The following VCL variants were observed in gnomAD, a reference collection of about 807,000 sequenced individuals.
VCL encodes the protein epididymis luminal protein 114.
In VCL, 47 loss-of-function variants were observed where a neutral mutation model predicts 125.7. That is an observed-to-expected ratio of 0.37 (90% CI 0.30 to 0.48). VCL has a LOEUF of 0.48. VCL is among the 20% of genes least tolerant of loss of function. The pLI, the probability that VCL is intolerant of heterozygous loss-of-function variation, is 0.99. For missense variants in VCL, 1,069 were observed against 1,455.5 expected (o/e 0.73, Z 4.32); for synonymous variants, 458 against 514.6 (o/e 0.89, Z 1.49).
intron 2 of VCL, among the ~76,000 whole-genome samples, chr10:74,050,451 T>A (rs909765671): frequency 6.6e-6 from 1 of 152,224 alleles, no homozygotes; most frequent in African/African-American, 2.4e-5. Context: ...TTTATATTCA[T>A]GCACAAAGAA....
chr10:74,094,437 C>A lies in VCL; in HGVS notation c.1519C>A (p.Pro507Thr). Residue 507 changes from proline to threonine, a missense_variant, in exon 11 of 22, where the codon CCC becomes ACC. By Grantham distance (38) the Pro-to-Thr change is conservative. Transcript: ENST00000211998. ...GCAAGCACAGCGGTGGATTGATAAT[C>A]CCACAGTGGATGACCGTGGAGTCGG... ...IEQAQRWIDN[P>T]TVDDRGVGQA... The A allele has an allele frequency of 1.2e-6, 2 of 1,614,036 alleles. No homozygotes were observed. The highest frequency in any genetic ancestry group is 2.2e-5 in the South Asian group (2 of 91,056).
chr10:74,101,515 A>AT (rs1019483227), intron 14 of VCL, among the ~76,000 whole-genome samples: 41 of 125,786 alleles, frequency 3.3e-4, no homozygotes, highest in Middle Eastern at 4.2e-3. Context: ...TAACATTTGA[A>AT]TTTTTTTTTA....
chr10:74,049,977 G>A (rs970394574), intron 2 of VCL, among the ~76,000 whole-genome samples: 5 of 152,318 alleles, frequency 3.3e-5, no homozygotes, highest in Admixed American at 6.5e-5. Flanking sequence ...GCTGTATACA[G>A]TGGAATTTCA....
Position 74,083,227 on chromosome 10 carries a change from G to C in VCL, c.875-139G>C, listed in dbSNP as rs1400895606. ...GTTTAAGGGCACTGCTTGGCTGTTA[G>C]CTATCAGATATGTTGCCTTCTATTC... On this transcript the variant is annotated intron_variant, in intron 7 of 21. Coordinates refer to ENST00000211998, the MANE Select transcript of VCL (RefSeq NM_014000.3). The C allele has an allele frequency of 3.6e-6, 4 of 1,120,846 alleles. No homozygotes were observed. In the African/African-American group the frequency reaches 4.7e-5, roughly 13 times the overall value. 69.4% of individuals were successfully genotyped at this position (1,120,846 alleles called of 1,614,324 possible).
At chr10:74,089,413 C>T (rs1839841589) in intron 9 of VCL, 64 bp downstream of exon 9, 1 of 1,600,442 alleles carries the variant, frequency 6.2e-7, no homozygotes, top group South Asian at 1.1e-5. Context: ...TCATAAATAT[C>T]CTATCTTTCT....
intron 1 of VCL, among the ~76,000 whole-genome samples, chr10:74,040,743 T>G (rs1414860637): frequency 6.6e-6 from 1 of 152,246 alleles, no homozygotes; most frequent in Non-Finnish European, 1.5e-5. Flanking sequence ...GGTAGATATG[T>G]GTTGCTTTTT....
chr10:74,103,237 T>C (rs1045047276), intron 14 of VCL, among the ~76,000 whole-genome samples: 1 of 152,208 alleles, frequency 6.6e-6, no homozygotes, highest in Admixed American at 6.5e-5. Context: ...TAATGGACTC[T>C]ATTTGGATTA....
chr10:74,085,004 G>C (rs1243213667), intron 8 of VCL, among the ~76,000 whole-genome samples: 1 of 152,120 alleles, frequency 6.6e-6, no homozygotes, highest in Non-Finnish European at 1.5e-5. Context: ...TGAACTCCTG[G>C]GCTCAAGCAA....
rs769905548 is a variant in VCL at position 74,089,430 on chromosome 10, T to C, written c.1176+81T>C. The C allele has an allele frequency of 1.9e-4, 308 of 1,584,694 alleles. 1 individual carries two copies. The highest frequency in any genetic ancestry group is 7.2e-4 in the Admixed American group (42 of 58,328). ...ATAAATATCCTATCTTTCTTCTCTG[T>C]CTCTTATCATTTACTGTGGTTGGAT... On this transcript the variant is annotated intron_variant, in intron 9 of 21. Transcript: ENST00000211998.
chr10:74,105,576 C>T (rs1840118923), intron 16 of VCL, among the ~76,000 whole-genome samples: 1 of 149,604 alleles, frequency 6.7e-6, no homozygotes, highest in Admixed American at 6.7e-5. Context: ...TCTGTGCTTT[C>T]TTTTTTTTTT....
chr10:74,104,109 A>C (rs1268778481), intron 15 of VCL, among the ~76,000 whole-genome samples, 181 bp downstream of exon 15: 1 of 152,194 alleles, frequency 6.6e-6, no homozygotes, highest in Non-Finnish European at 1.5e-5. Flanking sequence ...AAGCCTTGCA[A>C]CTTTGTCAGA....
chr10:74,070,499 C>T (rs545340578), intron 2 of VCL, among the ~76,000 whole-genome samples, 171 bp from the exon 3 acceptor site: 1 of 152,280 alleles, frequency 6.6e-6, no homozygotes, highest in Non-Finnish European at 1.5e-5. Flanking sequence ...CCACTGTGTC[C>T]TGCCTAAATT....
At chr10:74,103,602 T>G (rs1840091029) in intron 14 of VCL, among the ~76,000 whole-genome samples, 2 of 152,244 alleles carry the variant, frequency 1.3e-5, no homozygotes, top group African/African-American at 4.8e-5. Flanking sequence ...TTTATTACCT[T>G]CTTAAAATCA....
At chr10:74,100,028 C>A (rs1311760983) in intron 13 of VCL, among the ~76,000 whole-genome samples, 1 of 152,198 alleles carries the variant, frequency 6.6e-6, no homozygotes, top group Non-Finnish European at 1.5e-5. Context: ...GGACGCATTC[C>A]ACTAGGCAGC....
At chr10:74,065,071 C>T (rs950745974) in intron 2 of VCL, among the ~76,000 whole-genome samples, 89 of 151,558 alleles carry the variant, frequency 5.9e-4, no homozygotes, top group African/African-American at 2.0e-3. Flanking sequence ...ACAAACAATC[C>T]TCAGTTTTAT....
At position 74,043,409 on chromosome 10, in the gene VCL, C is replaced by T. The variant is rs140201261; in HGVS notation, c.239+256C>T. Among the ~76,000 whole-genome samples, 126 of 151,564 alleles carry T rather than the reference C, an allele frequency of 8.3e-4. No homozygotes were observed. The Middle Eastern group carries it at 0.01, about 12-fold the overall frequency. ...TCACCCAGTTTGGAGTGCAATGGTG[C>T]GATGTCAGCTCACTGCAACCTCTGC... is the stretch of plus-strand genomic sequence containing the variant. On this transcript the variant is annotated intron_variant, in intron 2 of 21. Coordinates refer to ENST00000211998, the MANE Select transcript of VCL (RefSeq NM_014000.3).
At chr10:74,035,747 C>T (rs1031868702) in intron 1 of VCL, among the ~76,000 whole-genome samples, 5 of 152,300 alleles carry the variant, frequency 3.3e-5, no homozygotes, top group East Asian at 1.9e-4. Flanking sequence ...AGGGATAACA[C>T]GTACAGTTGG....
At chr10:74,032,259 AAG>A (rs1491013081) in intron 1 of VCL, among the ~76,000 whole-genome samples, 2 of 150,630 alleles carry the variant, frequency 1.3e-5, no homozygotes, top group African/African-American at 2.4e-5. Flanking sequence ...AAAAAAAAAA[AAG>A]AAAAAGGAAA....
At chr10:74,041,321 A>G (rs924049584) in intron 1 of VCL, among the ~76,000 whole-genome samples, 8 of 152,202 alleles carry the variant, frequency 5.3e-5, no homozygotes, top group Non-Finnish European at 1.2e-4. Context: ...ATATTGTTAA[A>G]ATGGGTGAAT....
Sources: gnomAD v4.1 joint callset for allele counts (sites outside exome capture counted in the v4.1 genomes callset) on GRCh38, gnomAD v4.1.1 for gene constraint, MANE v1.5 for transcripts, NCBI Gene and HGNC (gene_info 2026-07-23, HGNC 2026-07-21) for gene names.